Variants in CLEC12A observed in about 807,000 individuals in gnomAD.
CLEC12A encodes the protein C-type lectin protein CLL-1.
CLEC12A carries 22 observed loss-of-function variants against 26.5 expected under a neutral mutation model. The ratio of observed to expected loss-of-function variants is 0.83; its 90% confidence interval spans 0.59 to 1.19. CLEC12A has a LOEUF of 1.19. CLEC12A is among the 50% of genes most tolerant of loss of function. The pLI is 0.00. For missense variants in CLEC12A, 353 were observed against 315.6 expected, an observed-to-expected ratio of 1.12 and a Z score of -0.90; for synonymous variants, 119 against 101.9, an observed-to-expected ratio of 1.17 and a Z score of -1.01.
intron 1 of CLEC12A, among the ~76,000 whole-genome samples, chr12:9,958,971 A>G (rs1027747028): frequency 2.0e-5 from 3 of 152,186 alleles, no homozygotes; most frequent in Admixed American, 2.0e-4. Context: ...ACAGACATAT[A>G]ACTTAGAAGG....
the CLEC12A span, among the ~76,000 whole-genome samples, chr12:10,003,749 AC>A: frequency 6.6e-6 from 1 of 151,904 alleles, no homozygotes; most frequent in African/African-American, 2.4e-5. Flanking sequence ...CCCTTCCTCT[AC>A]CAAAAAAATA....
intron 1 of CLEC12A, among the ~76,000 whole-genome samples, chr12:9,962,093 A>G (rs1863838589): frequency 1.3e-5 from 2 of 152,274 alleles, no homozygotes; most frequent in East Asian, 3.9e-4. Context: ...TGCTACCAGC[A>G]ATGTTCTCTC....
downstream of CLEC12A, among the ~76,000 whole-genome samples, chr12:9,989,429 C>A (rs371319454): frequency 6.6e-6 from 1 of 152,044 alleles, no homozygotes; most frequent in Non-Finnish European, 1.5e-5. Context: ...AACAAGATAG[C>A]CTTATTGCTG....
At chr12:10,002,599 C>T in the CLEC12A span, among the ~76,000 whole-genome samples, 3 of 151,514 alleles carry the variant, frequency 2.0e-5, no homozygotes, top group South Asian at 2.1e-4. Context: ...CCCGCCACCA[C>T]GGCCGGCTAA....
chr12:9,993,328 G>C, intron 4 of CLEC12A: 1 of 1,483,428 alleles, frequency 6.7e-7, no homozygotes, highest in Non-Finnish European at 9.2e-7. Flanking sequence ...TGAAAACTGA[G>C]CAAACAATCA....
At chr12:9,962,793 G>A (rs1465337612) in intron 1 of CLEC12A, among the ~76,000 whole-genome samples, 5 of 152,208 alleles carry the variant, frequency 3.3e-5, no homozygotes, top group African/African-American at 1.2e-4. Flanking sequence ...GGATGTGTAT[G>A]TGCAGGTCAC....
At chr12:9,982,193 CA>C in intron 5 of CLEC12A, 64 bp downstream of exon 5, 1 of 815,880 alleles carries the variant, frequency 1.2e-6, no homozygotes, top group Non-Finnish European at 2.1e-6. Context: ...TCCTTAGGAG[CA>C]CTGTAGATTC....
Position 9,979,529 on chromosome 12 carries a change from T to C in CLEC12A, c.379+5T>C, listed in dbSNP as rs368040741. 3 of 1,596,056 alleles carry C rather than the reference T, an allele frequency of 1.9e-6. No homozygotes were observed. Among genetic ancestry groups the C allele is most frequent in the East Asian group, 2.2e-5 (1 of 44,730 alleles). On this transcript the variant is annotated splice_donor_5th_base_variant and intron_variant, in intron 3 of 5. Coordinates refer to ENST00000304361, the MANE Select transcript of CLEC12A (RefSeq NM_138337.6). ...AGCTATATAGCAAAGAACAAGGTAA[T>C]CTTGTATTCTCTTGGAGTTATTTAT...
downstream of CLEC12A, chr12:9,985,665 T>C (rs564787665): frequency 1.0e-5 from 4 of 390,760 alleles, no homozygotes; most frequent in South Asian, 5.7e-4. Context: ...GTTAAAGACA[T>C]ACAGCAATTA....
chr12:9,994,974 G>A lies in CLEC12A; in HGVS notation n.1005-44G>A. On this transcript the variant is annotated intron_variant and non_coding_transcript_variant, in intron 4 of 4. Transcript: ENST00000449959. The stretch of plus-strand genomic sequence containing the variant: ...TAAAGAGCAAAGTAATGGGAGAGAG[G>A]GGAAAGAATTGTCTTATGACCAGCG... 3 of 1,506,960 alleles carry A rather than the reference G, an allele frequency of 2.0e-6. No homozygotes were observed. In the Admixed American group the frequency reaches 5.7e-5, roughly 29 times the overall value. 93.3% of individuals were successfully genotyped at this position (1,506,960 alleles called of 1,614,324 possible).
chr12:10,004,873 G>A, the CLEC12A span, among the ~76,000 whole-genome samples: 561 of 151,856 alleles, frequency 3.7e-3, 5 homozygotes, highest in African/African-American at 0.013. Flanking sequence ...CCATTAACTT[G>A]TCATTTACAT....
At chr12:9,954,114 T>C (rs1198435134) in intron 1 of CLEC12A, among the ~76,000 whole-genome samples, 4 of 148,244 alleles carry the variant, frequency 2.7e-5, no homozygotes, top group Non-Finnish European at 6.0e-5. Flanking sequence ...CCAGAGACCT[T>C]TGTTCACTTG....
At chr12:9,954,725 A>G (rs1473490221) in intron 1 of CLEC12A, among the ~76,000 whole-genome samples, 4 of 152,230 alleles carry the variant, frequency 2.6e-5, no homozygotes, top group Non-Finnish European at 5.9e-5. Context: ...AGAGGGTAGC[A>G]AATTGGCTTA....
chr12:9,960,640 A>C (rs1386962543), intron 1 of CLEC12A, among the ~76,000 whole-genome samples: 1 of 152,240 alleles, frequency 6.6e-6, no homozygotes, highest in Non-Finnish European at 1.5e-5. Context: ...AGTGATAAAT[A>C]GAAAAGAGAG....
upstream of CLEC12A, among the ~76,000 whole-genome samples, chr12:9,967,081 A>G (rs1184529442): frequency 1.3e-5 from 2 of 151,716 alleles, no homozygotes; most frequent in Non-Finnish European, 2.9e-5. Context: ...GGAGGTGATA[A>G]AAGGATTACA....
At chr12:9,994,958 A>T (rs1362110780) in intron 4 of CLEC12A, 24 of 1,466,334 alleles carry the variant, frequency 1.6e-5, no homozygotes, top group Non-Finnish European at 1.5e-5. Context: ...ATAAAGAGCA[A>T]AGTAATGGGA....
chr12:9,957,490 C>CAAAAAAAA (rs58810746), intron 1 of CLEC12A, among the ~76,000 whole-genome samples: 1 of 125,024 alleles, frequency 8.0e-6, no homozygotes. Context: ...GACTTCATCT[C>CAAAAAAAA]AAAAAAAAAA....
At chr12:9,998,761 A>G (rs7977964), downstream of CLEC12A, among the ~76,000 whole-genome samples, 65,634 of 151,624 alleles carry the variant, frequency 0.43, 14,445 homozygotes, top group Non-Finnish European at 0.45. Context: ...AGAAAATGAA[A>G]TTTCCACTCT....
chr12:9,956,196 A>G (rs1863739270), intron 1 of CLEC12A, among the ~76,000 whole-genome samples: 1 of 152,204 alleles, frequency 6.6e-6, no homozygotes, highest in Non-Finnish European at 1.5e-5. Context: ...GGACTAATCT[A>G]TATCTCTCTC....
Sources: gnomAD v4.1 joint callset for allele counts (sites outside exome capture counted in the v4.1 genomes callset) on GRCh38, gnomAD v4.1.1 for gene constraint, MANE v1.5 for transcripts, NCBI Gene and HGNC (gene_info 2026-07-23, HGNC 2026-07-21) for gene names.